ADCY2: variants seen among roughly 807,000 people sequenced by gnomAD.
ADCY2 encodes the protein adenylate cyclase type 2.
Under a neutral mutation model 125.2 loss-of-function variants are expected in ADCY2, and 31 were observed. That is an observed-to-expected ratio of 0.25 (90% CI 0.19 to 0.33). ADCY2 has a LOEUF of 0.33. Ranked by LOEUF, ADCY2 falls within the 10% of genes least tolerant of loss-of-function variation. The pLI, the probability that ADCY2 is intolerant of heterozygous loss-of-function variation, is 1.00. For synonymous variants in ADCY2, 512 were observed against 548.4 expected (o/e 0.93, Z 0.93); for missense variants, 904 against 1,418.2 (o/e 0.64, Z 5.82).
intron 3 of ADCY2, among the ~76,000 whole-genome samples, chr5:7,533,515 G>T (rs1352285276): frequency 6.6e-6 from 1 of 151,620 alleles, no homozygotes; most frequent in Non-Finnish European, 1.5e-5. Context: ...GTTCTCTTTT[G>T]TTCTGTATTT....
chr5:7,492,302 G>A lies in ADCY2; in HGVS notation c.409-28436G>A, dbSNP rs533175741. Among the ~76,000 whole-genome samples the A allele has an allele frequency of 6.8e-4, 104 of 152,334 alleles. No homozygotes were observed. The South Asian group carries it at 0.011, about 17-fold the overall frequency. ...GGTGGAGGTGCGATTGTAAAGACCTGTAGTGTCACACCACAGGATGGAATG... is the reference window on the plus strand; with the variant it reads ...GGTGGAGGTGCGATTGTAAAGACCTATAGTGTCACACCACAGGATGGAATG... On this transcript the variant is annotated intron_variant, in intron 2 of 24. Transcript: ENST00000338316.
chr5:7,553,934 T>A (rs1235748108), intron 3 of ADCY2, among the ~76,000 whole-genome samples: 1 of 152,086 alleles, frequency 6.6e-6, no homozygotes, highest in Non-Finnish European at 1.5e-5. Flanking sequence ...ATAGCAAACA[T>A]GTTAAGGTTA....
rs111891669 is a variant in ADCY2, at chr5:7,677,881, C to T, written c.721-12810C>T. The stretch of plus-strand genomic sequence containing the variant: ...CAAGCCAGGCTTGAGCTCAAGTCAG[C>T]GTGGGTGCATAGCTGGTGAGAATAA... On this transcript the variant is annotated intron_variant, in intron 4 of 24. Coordinates refer to ENST00000338316, the MANE Select transcript of ADCY2 (RefSeq NM_020546.3). Among the ~76,000 whole-genome samples, 1,084 of 152,250 alleles carry T rather than the reference C, an allele frequency of 7.1e-3. 5 individuals carry two copies. The highest frequency in any genetic ancestry group is 0.011 in the Non-Finnish European group (763 of 68,014).
chr5:7,397,946 T>C (rs1739123507), intron 1 of ADCY2, among the ~76,000 whole-genome samples: 1 of 152,162 alleles, frequency 6.6e-6, no homozygotes, highest in Non-Finnish European at 1.5e-5. Context: ...CATTTTTATC[T>C]CTCTTTACTA....
chr5:7,519,778 C>T (rs1262588873), intron 2 of ADCY2, among the ~76,000 whole-genome samples: 3 of 152,130 alleles, frequency 2.0e-5, no homozygotes, highest in South Asian at 2.1e-4. Context: ...CGAAGGAAAC[C>T]GTGCACCTAG....
chr5:7,618,542 T>C (rs1301494415), intron 3 of ADCY2, among the ~76,000 whole-genome samples: 1 of 152,234 alleles, frequency 6.6e-6, no homozygotes, highest in African/African-American at 2.4e-5. Flanking sequence ...TCAGACTCTC[T>C]AATAGCCTTG....
intron 2 of ADCY2, among the ~76,000 whole-genome samples, chr5:7,452,613 C>G (rs1055934037): frequency 8.5e-5 from 13 of 152,136 alleles, no homozygotes; most frequent in African/African-American, 2.9e-4. Context: ...TCCATAGATA[C>G]CCAGTAGTGA....
At chr5:7,639,931 G>A (rs1224373950) in intron 4 of ADCY2, among the ~76,000 whole-genome samples, 1 of 152,160 alleles carries the variant, frequency 6.6e-6, no homozygotes, top group Non-Finnish European at 1.5e-5. Context: ...TCTCCTTCCA[G>A]TAGGGAGTGT....
intron 2 of ADCY2, among the ~76,000 whole-genome samples, chr5:7,443,741 T>C (rs1350828630): frequency 2.7e-5 from 4 of 149,378 alleles, no homozygotes; most frequent in Non-Finnish European, 5.9e-5. Flanking sequence ...TTAACACTAA[T>C]ACTATGACCA....
At chr5:7,494,627 A>G (rs60781851) in intron 2 of ADCY2, among the ~76,000 whole-genome samples, 7,299 of 152,104 alleles carry the variant, frequency 0.048, 609 homozygotes, top group African/African-American at 0.17. Context: ...GTGGGGGCTC[A>G]AGGCTAGTGG....
At chr5:7,532,821 G>A (rs1423773781) in intron 3 of ADCY2, among the ~76,000 whole-genome samples, 1 of 151,698 alleles carries the variant, frequency 6.6e-6, no homozygotes, top group Non-Finnish European at 1.5e-5. Context: ...TTAATTCGTG[G>A]CTTGATCCTT....
At chr5:7,408,089 C>G (rs1264137304) in intron 1 of ADCY2, among the ~76,000 whole-genome samples, 1 of 151,636 alleles carries the variant, frequency 6.6e-6, no homozygotes, top group African/African-American at 2.4e-5. Flanking sequence ...CCAGGATGGT[C>G]TTGATCTCCT....
At chr5:7,740,520 A>T (rs1046431933) in intron 14 of ADCY2, among the ~76,000 whole-genome samples, 1 of 152,062 alleles carries the variant, frequency 6.6e-6, no homozygotes, top group Non-Finnish European at 1.5e-5. Flanking sequence ...CATAAAAAAC[A>T]CATAGAATTT....
intron 2 of ADCY2, among the ~76,000 whole-genome samples, chr5:7,451,445 CA>C (rs1741466537): frequency 6.6e-6 from 1 of 152,194 alleles, no homozygotes; most frequent in South Asian, 2.1e-4. Flanking sequence ...CAAATTATTG[CA>C]ATCTTATGAT....
intron 3 of ADCY2, among the ~76,000 whole-genome samples, chr5:7,560,100 A>G (rs1735661711): frequency 6.6e-6 from 1 of 152,226 alleles, no homozygotes; most frequent in African/African-American, 2.4e-5. Context: ...ACTAACAGAG[A>G]CAGTTATTCA....
chr5:7,617,764 G>A (rs1029369188), intron 3 of ADCY2, among the ~76,000 whole-genome samples: 2 of 152,208 alleles, frequency 1.3e-5, no homozygotes, highest in Non-Finnish European at 2.9e-5. Context: ...GAGGAAGGAA[G>A]GTGGTTGGGG....
chr5:7,422,266 C>T (rs959309512), intron 2 of ADCY2, among the ~76,000 whole-genome samples: 16 of 151,876 alleles, frequency 1.1e-4, no homozygotes, highest in Non-Finnish European at 2.1e-4. Context: ...GTTTTGAACT[C>T]TTGGCCGCAA....
intron 7 of ADCY2, among the ~76,000 whole-genome samples, chr5:7,698,793 G>A (rs572829268): frequency 5.9e-5 from 9 of 152,316 alleles, no homozygotes; most frequent in African/African-American, 1.9e-4. Context: ...ATCGTTGGTG[G>A]ACTTTTGGGT....
rs550300921 is a variant in ADCY2, at chr5:7,618,489, C to T, written c.571-7678C>T. 9.2e-5 allele frequency among the ~76,000 whole-genome samples: 14 copies of T among 152,226 alleles called. No individual in the cohort carries two copies. The South Asian group carries it at 2.7e-3, about 29-fold the overall frequency. ...GAAGGGGAATACTCCACATGTTCACCCTAAAATGGAGTATTATTTTCTCCT... is the reference window on the plus strand; with the variant it reads ...GAAGGGGAATACTCCACATGTTCACTCTAAAATGGAGTATTATTTTCTCCT... On this transcript the variant is annotated intron_variant, in intron 3 of 24. Transcript: ENST00000338316.
Sources: allele counts gnomAD v4.1 joint callset (sites outside exome capture counted in the v4.1 genomes callset), GRCh38; gene constraint gnomAD v4.1.1; transcripts MANE v1.5; gene names NCBI Gene and HGNC (gene_info 2026-07-23, HGNC 2026-07-21).